MARCHF1: variants seen among roughly 807,000 people sequenced by gnomAD.
The protein encoded by MARCHF1 is membrane associated ring-CH-type finger 1, also known as E3 ubiquitin-protein ligase MARCHF1.
A neutral mutation model predicts 54.2 loss-of-function variants in MARCHF1; 40 were observed. The observed-to-expected ratio is 0.74, with a 90% CI of 0.57 to 0.96. The LOEUF (loss-of-function observed/expected upper bound fraction) is 0.96. Among genes scored for constraint, MARCHF1 ranks in the 40% least tolerant of loss-of-function variants. The probability of loss-of-function intolerance (pLI) is 0.00; values close to 1 mark genes in which losing one functional copy is unlikely to be tolerated. For synonymous variants in MARCHF1, 236 were observed against 236.3 expected (o/e 1.00, Z 0.01); for missense variants, 586 against 656.5 (o/e 0.89, Z 1.17).
chr4:163,959,470 T>C (rs189156191), intron 3 of MARCHF1, among the ~76,000 whole-genome samples: 13 of 151,858 alleles, frequency 8.6e-5, no homozygotes, highest in Admixed American at 5.3e-4. Flanking sequence ...AACAAGCACA[T>C]AGACCAATGG....
intron 2 of MARCHF1, among the ~76,000 whole-genome samples, chr4:164,105,926 A>T (rs1237552948): frequency 6.8e-6 from 1 of 147,628 alleles, no homozygotes. Context: ...CAAGAAAAAA[A>T]CAAACAACCC....
At chr4:163,984,193 TCTTAAAAGG>T (rs201368966) in intron 3 of MARCHF1, among the ~76,000 whole-genome samples, 1,871 of 152,136 alleles carry the variant, frequency 0.012, 40 homozygotes, top group African/African-American at 0.043. Context: ...AAGTAGAAGA[TCTTAAAAGG>T]GATATCTCAG....
At chr4:163,878,670 T>G (rs1750346916) in intron 3 of MARCHF1, among the ~76,000 whole-genome samples, 1 of 152,036 alleles carries the variant, frequency 6.6e-6, no homozygotes. Flanking sequence ...CTTAACCTAG[T>G]TGAAGGACTC....
intron 3 of MARCHF1, among the ~76,000 whole-genome samples, chr4:163,964,320 CAAT>C (rs1257023754): frequency 2.0e-5 from 3 of 151,876 alleles, no homozygotes; most frequent in African/African-American, 7.3e-5. Flanking sequence ...TTAGTGATAA[CAAT>C]GATGATGTTT....
rs1471223892 is a variant in MARCHF1 at position 164,092,379 on chromosome 4, GAAC to G, written c.-248+19206_-248+19208del. 2.0e-5 allele frequency among the ~76,000 whole-genome samples: 3 copies of G among 152,264 alleles called. No homozygotes were observed. The East Asian group carries it at 5.8e-4, about 29-fold the overall frequency. ...CCACACAACACTGGTTTCAACCAAA[GAAC>G]AACATGTACCCCATCATTCAGTGGC... On this transcript the variant is annotated intron_variant, in intron 2 of 9. Coordinates refer to ENST00000514618, the MANE Select transcript of MARCHF1 (RefSeq NM_001394959.1).
chr4:164,112,782 A>G (rs1396333172), intron 1 of MARCHF1, among the ~76,000 whole-genome samples: 1 of 151,960 alleles, frequency 6.6e-6, no homozygotes, highest in African/African-American at 2.4e-5. Context: ...CAACAACAAA[A>G]TATTTCTACA....
In MARCHF1 at chr4:164,053,118, A is replaced by G. The variant is rs566094017; in HGVS notation, c.-248+58470T>C. 4.1e-3 allele frequency among the ~76,000 whole-genome samples: 620 copies of G among 152,306 alleles called. 2 individuals are homozygous for G. Among genetic ancestry groups the G allele is most frequent in the Non-Finnish European group, 6.6e-3 (451 of 68,020 alleles). On this transcript the variant is annotated intron_variant, in intron 2 of 9. Coordinates refer to ENST00000514618, the MANE Select transcript of MARCHF1 (RefSeq NM_001394959.1). ...CAAAATATGTAGTTATTGGGGGAGC[A>G]TATTGATTTAGAGAACATTTTGTGA...
chr4:164,230,527 T>A (rs1732387594), intron 1 of MARCHF1, among the ~76,000 whole-genome samples: 1 of 23,824 alleles, frequency 4.2e-5, no homozygotes, highest in African/African-American at 1.0e-4. Flanking sequence ...ATTTACCTTT[T>A]CTTTGTGTTG....
At chr4:164,108,033 A>T (rs1755745291) in intron 2 of MARCHF1, among the ~76,000 whole-genome samples, 1 of 152,152 alleles carries the variant, frequency 6.6e-6, no homozygotes, top group Admixed American at 6.6e-5. Context: ...AATTTGACAT[A>T]ATCTTTGATT....
intron 2 of MARCHF1, among the ~76,000 whole-genome samples, chr4:164,010,224 G>A (rs1055257277): frequency 2.0e-5 from 3 of 150,868 alleles, no homozygotes; most frequent in Non-Finnish European, 3.0e-5. Context: ...ATGCCACCAC[G>A]CTCAGCGTTT....
chr4:163,955,510 C>A (rs1752215071), intron 3 of MARCHF1, among the ~76,000 whole-genome samples: 1 of 152,126 alleles, frequency 6.6e-6, no homozygotes, highest in African/African-American at 2.4e-5. Context: ...ACTCACTCCA[C>A]AGGCCCGTCC....
chr4:164,235,686 A>G (rs1342071781), intron 1 of MARCHF1, among the ~76,000 whole-genome samples: 2 of 151,096 alleles, frequency 1.3e-5, no homozygotes, highest in African/African-American at 4.9e-5. Flanking sequence ...CTAAGCTATG[A>G]GTATGCAAAG....
intron 1 of MARCHF1, among the ~76,000 whole-genome samples, chr4:164,214,055 ATATACACCTAC>A: frequency 6.6e-6 from 1 of 152,234 alleles, no homozygotes; most frequent in African/African-American, 2.4e-5. Context: ...ATGGGTAAAT[ATATACACCTAC>A]TATGTACCCA....
At chr4:164,260,503 T>C (rs1733431917) in intron 1 of MARCHF1, among the ~76,000 whole-genome samples, 1 of 152,038 alleles carries the variant, frequency 6.6e-6, no homozygotes, top group Non-Finnish European at 1.5e-5. Flanking sequence ...GCCATTCTAC[T>C]TGGTATGCTT....
chr4:163,812,217 C>T (rs78674085), intron 4 of MARCHF1, among the ~76,000 whole-genome samples: 7,406 of 151,590 alleles, frequency 0.049, 222 homozygotes, highest in East Asian at 0.081. Flanking sequence ...AACCAATATC[C>T]TAAAATAAAT....
intron 5 of MARCHF1, among the ~76,000 whole-genome samples, chr4:163,683,934 C>T (rs1227434062): frequency 6.6e-6 from 1 of 151,378 alleles, no homozygotes; most frequent in Non-Finnish European, 1.5e-5. Flanking sequence ...CACTCACTCA[C>T]ACGTCTACCT....
intron 2 of MARCHF1, among the ~76,000 whole-genome samples, chr4:163,999,868 C>G (rs1324221653): frequency 1.3e-5 from 2 of 151,706 alleles, no homozygotes; most frequent in Admixed American, 6.6e-5. Flanking sequence ...TGCCCAAGGT[C>G]CCACATATAG....
At chr4:164,236,856 C>G (rs1182442259) in intron 1 of MARCHF1, among the ~76,000 whole-genome samples, 1 of 152,110 alleles carries the variant, frequency 6.6e-6, no homozygotes, top group East Asian at 1.9e-4. Context: ...TTCTCTCTGA[C>G]CCCTAAAAAC....
intron 2 of MARCHF1, among the ~76,000 whole-genome samples, chr4:164,091,434 A>ATATAT (rs56887424): frequency 6.8e-6 from 1 of 147,076 alleles, no homozygotes; most frequent in Non-Finnish European, 1.5e-5. Flanking sequence ...ATATATGTAT[A>ATATAT]AAATGAATTG....
Sources: allele counts gnomAD v4.1 joint callset (sites outside exome capture counted in the v4.1 genomes callset), GRCh38; gene constraint gnomAD v4.1.1; transcripts MANE v1.5; gene names NCBI Gene and HGNC (gene_info 2026-07-23, HGNC 2026-07-21).